The following HIVEP3 variants were observed in gnomAD, a reference collection of about 807,000 sequenced individuals.
HIVEP3 encodes transcription factor HIVEP3.
A neutral mutation model predicts 152.8 loss-of-function variants in HIVEP3; 49 were observed. That is an observed-to-expected ratio of 0.32 (90% CI 0.26 to 0.41). The LOEUF (loss-of-function observed/expected upper bound fraction) is 0.41, where lower values mean the gene tolerates loss of function less well. Among genes scored for constraint, HIVEP3 ranks in the 10% least tolerant of loss-of-function variants. The pLI, the probability that HIVEP3 is intolerant of heterozygous loss-of-function variation, is 1.00. For missense variants in HIVEP3, 2,790 were observed against 3,103.3 expected (o/e 0.90, Z 2.40); for synonymous variants, 1,269 against 1,289.0 (o/e 0.98, Z 0.33).
chr1:41,599,403 G>C (rs932308081), intron 3 of HIVEP3, among the ~76,000 whole-genome samples: 3 of 152,172 alleles, frequency 2.0e-5, no homozygotes, highest in Non-Finnish European at 4.4e-5. Flanking sequence ...TCATAAAGGA[G>C]AGAAGCTAAA....
At chr1:41,593,227 C>A (rs541264872) in intron 3 of HIVEP3, among the ~76,000 whole-genome samples, 13 of 152,182 alleles carry the variant, frequency 8.5e-5, no homozygotes, top group Non-Finnish European at 1.5e-4. Context: ...TCTCCCTGTC[C>A]CCACATGCCC....
intron 1 of HIVEP3, among the ~76,000 whole-genome samples, chr1:41,984,336 C>T (rs1330509515): frequency 6.6e-6 from 1 of 152,026 alleles, no homozygotes; most frequent in Non-Finnish European, 1.5e-5. Flanking sequence ...AAAAAATGAG[C>T]AAGCAGACAA....
chr1:41,837,610 G>T (rs1457539813), intron 1 of HIVEP3, among the ~76,000 whole-genome samples: 2 of 152,204 alleles, frequency 1.3e-5, no homozygotes, highest in Admixed American at 1.3e-4. Flanking sequence ...ATAAGCAAGA[G>T]CCACCACGCC....
upstream of HIVEP3, among the ~76,000 whole-genome samples, chr1:41,923,509 A>G (rs1644951841): frequency 6.6e-6 from 1 of 152,118 alleles, no homozygotes; most frequent in South Asian, 2.1e-4. Context: ...AAGGGAAAGG[A>G]GCAACATTGG....
At chr1:41,989,481 A>G (rs1252603863) in intron 1 of HIVEP3, among the ~76,000 whole-genome samples, 2 of 152,192 alleles carry the variant, frequency 1.3e-5, no homozygotes, top group Non-Finnish European at 2.9e-5. Context: ...CAAGAATAAT[A>G]TTTTATAGCA....
intron 1 of HIVEP3, among the ~76,000 whole-genome samples, chr1:41,937,736 G>C (rs1645026728): frequency 6.6e-6 from 1 of 152,138 alleles, no homozygotes; most frequent in Non-Finnish European, 1.5e-5. Flanking sequence ...CCTGGTCATG[G>C]ACTTTTCAGA....
intron 2 of HIVEP3, among the ~76,000 whole-genome samples, chr1:41,643,077 G>T (rs972459665): frequency 1.4e-4 from 21 of 152,228 alleles, no homozygotes; most frequent in African/African-American, 3.4e-4. Flanking sequence ...CTTGGCCTAG[G>T]CTTCAGCATC....
intron 2 of HIVEP3, among the ~76,000 whole-genome samples, chr1:41,630,654 C>T (rs183429360): frequency 1.2e-4 from 19 of 152,254 alleles, no homozygotes; most frequent in Admixed American, 5.9e-4. Flanking sequence ...CTTGTCAACA[C>T]CTTGAATGAG....
chr1:41,649,590 T>C (rs1395548562), intron 2 of HIVEP3, among the ~76,000 whole-genome samples: 1 of 152,154 alleles, frequency 6.6e-6, no homozygotes, highest in Admixed American at 6.5e-5. Flanking sequence ...ATGATGGGAA[T>C]TGGGTTGGGG....
At chr1:41,608,378 C>A (rs1644851117) in intron 3 of HIVEP3, among the ~76,000 whole-genome samples, 1 of 152,234 alleles carries the variant, frequency 6.6e-6, no homozygotes, top group African/African-American at 2.4e-5. Flanking sequence ...CACATCCAGT[C>A]TGCTAGAGAG....
chr1:41,989,709 G>C (rs12141594), intron 1 of HIVEP3, among the ~76,000 whole-genome samples: 2 of 142,308 alleles, frequency 1.4e-5, no homozygotes, highest in Non-Finnish European at 3.0e-5. Context: ...GAAGTACTCA[G>C]CAAAAGAAAA....
intron 1 of HIVEP3, among the ~76,000 whole-genome samples, chr1:41,992,337 A>T (rs1247844672): frequency 6.7e-6 from 1 of 150,208 alleles, no homozygotes; most frequent in African/African-American, 2.5e-5. Context: ...AATCACAAGC[A>T]TTCTTATACA....
chr1:41,621,033 C>G (rs887147449), intron 3 of HIVEP3, among the ~76,000 whole-genome samples: 1 of 152,212 alleles, frequency 6.6e-6, no homozygotes, highest in South Asian at 2.1e-4. Flanking sequence ...CTGGGCAAGT[C>G]ACTTGCCACG....
At chr1:41,916,045 T>C (rs1644866517) in intron 1 of HIVEP3, among the ~76,000 whole-genome samples, 1 of 152,178 alleles carries the variant, frequency 6.6e-6, no homozygotes, top group Non-Finnish European at 1.5e-5. Context: ...TTAAATGCTA[T>C]CCAGTTGTCA....
At chr1:41,752,881 A>T (rs1647188372) in intron 1 of HIVEP3, among the ~76,000 whole-genome samples, 1 of 152,238 alleles carries the variant, frequency 6.6e-6, no homozygotes, top group Non-Finnish European at 1.5e-5. Flanking sequence ...GGACAATCTC[A>T]GTGCTCACTT....
rs372053201 is a variant in HIVEP3 at position 41,608,302 on chromosome 1, T to C, written c.-522+20447A>G. Reference sequence around the variant, plus strand: ...TTGCCAAAAGAAGGACTTTTCTCCATGGTGGGCATAATGCTATACTTCACC... The same window carrying C: ...TTGCCAAAAGAAGGACTTTTCTCCACGGTGGGCATAATGCTATACTTCACC... On this transcript the variant is annotated intron_variant, in intron 3 of 8. Transcript: ENST00000372583. 1.2e-4 allele frequency among the ~76,000 whole-genome samples: 19 copies of C among 152,308 alleles called. No individual in the cohort carries two copies. The East Asian group carries it at 3.7e-3, about 29-fold the overall frequency.
At chr1:41,673,496 G>A (rs536389802) in intron 2 of HIVEP3, among the ~76,000 whole-genome samples, 6 of 152,246 alleles carry the variant, frequency 3.9e-5, no homozygotes, top group African/African-American at 1.2e-4. Context: ...CTGGCTGCTC[G>A]GCTTAGCTTA....
intron 1 of HIVEP3, among the ~76,000 whole-genome samples, chr1:41,986,633 G>A (rs1645325156): frequency 1.3e-5 from 2 of 152,098 alleles, no homozygotes; most frequent in South Asian, 2.1e-4. Context: ...GTAGAGACAG[G>A]GTTTCACCGT....
chr1:41,571,505 G>T (rs772210343), intron 5 of HIVEP3, among the ~76,000 whole-genome samples: 3 of 152,204 alleles, frequency 2.0e-5, no homozygotes, highest in Non-Finnish European at 4.4e-5. Context: ...AATGCAGAGG[G>T]GGCCATGTGC....
Sources: allele counts gnomAD v4.1 joint callset (sites outside exome capture counted in the v4.1 genomes callset), GRCh38; gene constraint gnomAD v4.1.1; transcripts MANE v1.5; gene names NCBI Gene and HGNC (gene_info 2026-07-23, HGNC 2026-07-21).